The following GOLM2 variants were observed in gnomAD, a reference collection of about 807,000 sequenced individuals.
GOLM2 encodes protein GOLM2.
In GOLM2, 26 loss-of-function variants were observed where a neutral mutation model predicts 55.9. The ratio of observed to expected loss-of-function variants is 0.47; its 90% CI spans 0.34 to 0.65. The LOEUF is 0.65. GOLM2 is among the 30% of genes least tolerant of loss of function. The probability of loss-of-function intolerance (pLI) is 0.01; values close to 1 mark genes in which losing one functional copy is unlikely to be tolerated. For synonymous variants in GOLM2, 165 were observed against 194.6 expected, an observed-to-expected ratio of 0.85 and a Z score of 1.27; for missense variants, 486 against 531.8, an observed-to-expected ratio of 0.91 and a Z score of 0.85.
At chr15:44,359,869 T>C (rs2141169990) in intron 6 of GOLM2, among the ~76,000 whole-genome samples, 1 of 152,232 alleles carries the variant, frequency 6.6e-6, no homozygotes. Flanking sequence ...AGAAACTCGA[T>C]AAGCCAGAAG....
intron 6 of GOLM2, among the ~76,000 whole-genome samples, chr15:44,361,456 T>G (rs1176046425): frequency 1.3e-5 from 2 of 152,068 alleles, no homozygotes; most frequent in African/African-American, 2.4e-5. Flanking sequence ...AAGAAATGGA[T>G]AAATTCCTCG....
At chr15:44,314,236 C>CA (rs1238536916) in intron 1 of GOLM2, among the ~76,000 whole-genome samples, 1,773 of 121,568 alleles carry the variant, frequency 0.015, 29 homozygotes, top group African/African-American at 0.045. Context: ...AACTCCGTCT[C>CA]AAAAAAAAAA....
intron 1 of GOLM2, among the ~76,000 whole-genome samples, chr15:44,302,119 A>G (rs1472485209): frequency 6.6e-6 from 1 of 151,682 alleles, no homozygotes; most frequent in Non-Finnish European, 1.5e-5. Flanking sequence ...ATAGGAAGCC[A>G]TTGATTGACT....
intron 6 of GOLM2, among the ~76,000 whole-genome samples, chr15:44,358,162 T>C (rs145592191): frequency 1.8e-4 from 28 of 152,310 alleles, no homozygotes; most frequent in African/African-American, 6.7e-4. Flanking sequence ...GAGACCAGCC[T>C]GGCCAACATG....
At chr15:44,302,706 G>A (rs142677624) in intron 1 of GOLM2, among the ~76,000 whole-genome samples, 2 of 152,044 alleles carry the variant, frequency 1.3e-5, no homozygotes, top group East Asian at 3.9e-4. Flanking sequence ...GCCCAGGCTG[G>A]TCTTGAACTC....
chr15:44,305,283 T>A (rs903991520), intron 1 of GOLM2, among the ~76,000 whole-genome samples: 1 of 152,138 alleles, frequency 6.6e-6, no homozygotes, highest in African/African-American at 2.4e-5. Flanking sequence ...TAATGGCCAC[T>A]GTGCCCAGCC....
chr15:44,409,219 G>A (rs1567046187), intron 9 of GOLM2, among the ~76,000 whole-genome samples: 1 of 150,658 alleles, frequency 6.6e-6, no homozygotes, highest in Non-Finnish European at 1.5e-5. Flanking sequence ...GGGAGGCAGA[G>A]CTTGCAGTGA....
chr15:44,327,882 T>C (rs114192028), intron 2 of GOLM2, among the ~76,000 whole-genome samples: 1,549 of 152,346 alleles, frequency 0.01, 25 homozygotes, highest in African/African-American at 0.035. Context: ...CCAGAAATTA[T>C]GAGCTTTGAA....
At chr15:44,300,846 G>T (rs1182934908) in intron 1 of GOLM2, among the ~76,000 whole-genome samples, 2 of 152,142 alleles carry the variant, frequency 1.3e-5, no homozygotes, top group African/African-American at 4.8e-5. Context: ...GTGCTTCAAG[G>T]CTCTCTTTCT....
chr15:44,317,393 T>A (rs185831523), intron 1 of GOLM2, among the ~76,000 whole-genome samples: 137 of 152,240 alleles, frequency 9.0e-4, no homozygotes, highest in Non-Finnish European at 1.5e-3. Context: ...AGTGTTTTTT[T>A]AAATAAAAAA....
At chr15:44,380,783 A>T (rs779139141) in intron 7 of GOLM2, 23 bp from the exon 8 acceptor site, 1 of 1,421,060 alleles carries the variant, frequency 7.0e-7, no homozygotes, top group Non-Finnish European at 9.3e-7. Flanking sequence ...ATATTCTTTT[A>T]ATTTGATGTT....
intron 6 of GOLM2, among the ~76,000 whole-genome samples, chr15:44,363,768 C>G (rs1442898133): frequency 6.6e-6 from 1 of 151,062 alleles, no homozygotes; most frequent in Non-Finnish European, 1.5e-5. Context: ...GCACTATTCA[C>G]AATAGCAAAG....
At chr15:44,306,671 T>G (rs1470631611) in intron 1 of GOLM2, among the ~76,000 whole-genome samples, 1 of 152,244 alleles carries the variant, frequency 6.6e-6, no homozygotes, top group Non-Finnish European at 1.5e-5. Context: ...GTTTAGCTTT[T>G]GATTTAAAGT....
intron 1 of GOLM2, among the ~76,000 whole-genome samples, chr15:44,305,726 T>C (rs2078832509): frequency 6.6e-6 from 1 of 152,226 alleles, no homozygotes; most frequent in African/African-American, 2.4e-5. Context: ...ATTTGTTAAA[T>C]AATAAGATTT....
intron 2 of GOLM2, 152 bp downstream of exon 2, chr15:44,323,171 A>C: frequency 2.0e-6 from 1 of 507,034 alleles, no homozygotes; most frequent in Non-Finnish European, 3.5e-6. Flanking sequence ...GCCTTAAGAT[A>C]TAATAAATTA....
intron 2 of GOLM2, among the ~76,000 whole-genome samples, chr15:44,328,017 C>T (rs2078996568): frequency 6.6e-6 from 1 of 152,142 alleles, no homozygotes; most frequent in African/African-American, 2.4e-5. Flanking sequence ...AAAATTTGTA[C>T]CCATAGTACT....
intron 6 of GOLM2, among the ~76,000 whole-genome samples, chr15:44,358,839 T>C (rs1232839697): frequency 6.6e-6 from 1 of 152,114 alleles, no homozygotes; most frequent in Non-Finnish European, 1.5e-5. Flanking sequence ...AAGAAATAAT[T>C]GATGAGCTGG....
intron 8 of GOLM2, chr15:44,387,403 A>G (rs2141199656): frequency 6.6e-6 from 1 of 152,216 alleles, no homozygotes; most frequent in East Asian, 1.9e-4. Context: ...TATTGTTTTG[A>G]TGTCATTGTA....
intron 6 of GOLM2, among the ~76,000 whole-genome samples, chr15:44,379,140 C>T (rs1296360273): frequency 6.6e-6 from 1 of 152,174 alleles, no homozygotes; most frequent in Non-Finnish European, 1.5e-5. Flanking sequence ...ACAGTTTGTA[C>T]TGTCATGGAG....
Sources: gnomAD v4.1 joint callset for allele counts (sites outside exome capture counted in the v4.1 genomes callset) on GRCh38, gnomAD v4.1.1 for gene constraint, MANE v1.5 for transcripts, NCBI Gene and HGNC (gene_info 2026-07-23, HGNC 2026-07-21) for gene names.